The following LINGO2 variants were observed in gnomAD, a reference collection of about 807,000 sequenced individuals.
LINGO2 encodes the protein leucine rich repeat and Ig domain containing 2.
In LINGO2, 14 loss-of-function variants were observed where a neutral mutation model predicts 30.6. That is an observed-to-expected ratio of 0.46 (90% confidence interval 0.30 to 0.72). LINGO2 has a LOEUF of 0.72. Ranked by LOEUF, LINGO2 falls within the 30% of genes least tolerant of loss-of-function variation. The pLI is 0.07. For missense variants in LINGO2, 729 were observed against 751.7 expected, an observed-to-expected ratio of 0.97 and a Z score of 0.35; for synonymous variants, 317 against 288.5, an observed-to-expected ratio of 1.10 and a Z score of -1.00.
At chr9:29,173,769 C>T in the LINGO2 span, among the ~76,000 whole-genome samples, 1 of 151,886 alleles carries the variant, frequency 6.6e-6, no homozygotes, top group African/African-American at 2.4e-5. Context: ...CAGAAAGGGC[C>T]TATACATATT....
chr9:28,190,114 C>T (rs1479998937), intron 4 of LINGO2, among the ~76,000 whole-genome samples: 1 of 152,080 alleles, frequency 6.6e-6, no homozygotes. Flanking sequence ...GCCAAGACAG[C>T]CACATTTTCA....
At chr9:28,780,347 T>A in the LINGO2 span, among the ~76,000 whole-genome samples, 142 of 45,030 alleles carry the variant, frequency 3.2e-3, 1 homozygote, top group African/African-American at 5.8e-3. Flanking sequence ...GTGAGTAAAA[T>A]TTTTTTTTTC....
At chr9:28,568,333 G>T (rs1823496157) in intron 1 of LINGO2, among the ~76,000 whole-genome samples, 1 of 152,034 alleles carries the variant, frequency 6.6e-6, no homozygotes. Context: ...TGTGGGTAGA[G>T]GGTGGGGTGA....
intron 5 of LINGO2, among the ~76,000 whole-genome samples, chr9:27,960,872 T>A (rs1819810049): frequency 6.6e-6 from 1 of 152,138 alleles, no homozygotes; most frequent in Non-Finnish European, 1.5e-5. Context: ...TTATTCTGAT[T>A]TTTGTTTTGT....
chr9:28,591,740 G>A (rs1347579771), intron 1 of LINGO2, among the ~76,000 whole-genome samples: 2 of 151,908 alleles, frequency 1.3e-5, no homozygotes, highest in Non-Finnish European at 2.9e-5. Flanking sequence ...ATTCCAAAGT[G>A]GCAAGATCCT....
At chr9:28,747,325 C>G in the LINGO2 span, among the ~76,000 whole-genome samples, 1 of 151,976 alleles carries the variant, frequency 6.6e-6, no homozygotes, top group Non-Finnish European at 1.5e-5. Context: ...CACCCCATTC[C>G]CCTTCCAGCT....
the LINGO2 span, among the ~76,000 whole-genome samples, chr9:28,975,220 T>C: frequency 1.3e-5 from 2 of 152,200 alleles, no homozygotes; most frequent in South Asian, 2.1e-4. Flanking sequence ...AAGAAAATTC[T>C]TAGGAAAAGC....
intron 4 of LINGO2, among the ~76,000 whole-genome samples, chr9:28,023,263 G>A (rs1587710349): frequency 6.6e-6 from 1 of 152,246 alleles, no homozygotes; most frequent in East Asian, 1.9e-4. Flanking sequence ...GGTAATAGGA[G>A]CTGAGGTAAA....
At chr9:28,311,004 AC>A (rs1380847725) in intron 3 of LINGO2, among the ~76,000 whole-genome samples, 1 of 152,106 alleles carries the variant, frequency 6.6e-6, no homozygotes, top group Non-Finnish European at 1.5e-5. Context: ...GGCGAAATTC[AC>A]CCCCGATATT....
chr9:28,985,132 G>A, the LINGO2 span, among the ~76,000 whole-genome samples: 4 of 152,016 alleles, frequency 2.6e-5, no homozygotes, highest in Non-Finnish European at 5.9e-5. Context: ...GTCTTTCTGT[G>A]CCTGGCTTAT....
chr9:28,348,216 C>G (rs1042744715), intron 3 of LINGO2, among the ~76,000 whole-genome samples: 1 of 152,110 alleles, frequency 6.6e-6, no homozygotes, highest in African/African-American at 2.4e-5. Flanking sequence ...CGGGTGATTT[C>G]TGCATTTCCA....
the LINGO2 span, among the ~76,000 whole-genome samples, chr9:28,705,819 G>T: frequency 1.3e-5 from 2 of 152,102 alleles, no homozygotes; most frequent in African/African-American, 4.8e-5. Flanking sequence ...GGAGCATTCT[G>T]CTCTGCTCTG....
At chr9:28,546,140 A>G (rs922721482) in intron 1 of LINGO2, among the ~76,000 whole-genome samples, 1 of 151,926 alleles carries the variant, frequency 6.6e-6, no homozygotes, top group African/African-American at 2.4e-5. Flanking sequence ...AAATTAAGGG[A>G]GGTGTGAAAA....
Position 28,668,288 on chromosome 9 carries a change from T to C in LINGO2, c.-365+1912A>G, listed in dbSNP as rs1009190321. The stretch of plus-strand genomic sequence containing the variant: ...CTGTAGGCAAAAGAAAAGGAACCAG[T>C]GCTGTGGGGTGAAGAGGATGAAAGT... On this transcript the variant is annotated intron_variant, in intron 1 of 5. Transcript: ENST00000379992. 3.9e-5 allele frequency among the ~76,000 whole-genome samples: 6 copies of C among 152,108 alleles called. No individual in the cohort carries two copies. In the East Asian group the frequency reaches 1.2e-3, roughly 29 times the overall value.
At chr9:28,049,548 G>A (rs1355469901) in intron 4 of LINGO2, among the ~76,000 whole-genome samples, 2 of 150,584 alleles carry the variant, frequency 1.3e-5, no homozygotes, top group South Asian at 2.1e-4. Context: ...TTTGCAGTAT[G>A]GAAGGGCAAG....
chr9:28,534,167 A>T (rs59194862), intron 1 of LINGO2, among the ~76,000 whole-genome samples: 8,488 of 152,022 alleles, frequency 0.056, 581 homozygotes, highest in African/African-American at 0.16. Context: ...TTATTTATTT[A>T]TTTATTTAGA....
At chr9:29,213,434 T>TA in the LINGO2 span, among the ~76,000 whole-genome samples, 1 of 152,108 alleles carries the variant, frequency 6.6e-6, no homozygotes, top group Non-Finnish European at 1.5e-5. Flanking sequence ...CGCGAAGGTG[T>TA]CTACGCTGGG....
At chr9:28,629,487 C>A (rs138061391) in intron 1 of LINGO2, among the ~76,000 whole-genome samples, 85 of 152,078 alleles carry the variant, frequency 5.6e-4, no homozygotes, top group Admixed American at 1.9e-3. Flanking sequence ...GAAGTAAATT[C>A]TCTTCATGGT....
intron 4 of LINGO2, among the ~76,000 whole-genome samples, chr9:28,289,127 T>C (rs1227235250): frequency 1.3e-5 from 2 of 152,150 alleles, no homozygotes; most frequent in African/African-American, 2.4e-5. Context: ...AATTAGGACA[T>C]CTTGACACTC....
Sources: allele counts gnomAD v4.1 joint callset (sites outside exome capture counted in the v4.1 genomes callset), GRCh38; gene constraint gnomAD v4.1.1; transcripts MANE v1.5; gene names NCBI Gene and HGNC (gene_info 2026-07-23, HGNC 2026-07-21).